CCZ1B: variants seen among roughly 807,000 people sequenced by gnomAD.
CCZ1B encodes the protein CCZ1B vacuolar protein trafficking and biogenesis associated.
Under a neutral mutation model 58.8 loss-of-function variants are expected in CCZ1B, and 25 were observed. The ratio of observed to expected loss-of-function variants is 0.43; its 90% CI spans 0.31 to 0.59. The LOEUF (loss-of-function observed/expected upper bound fraction) is 0.59. CCZ1B is among the 20% of genes least tolerant of loss of function. The probability of loss-of-function intolerance (pLI) is 0.12; values close to 1 mark genes in which losing one functional copy is unlikely to be tolerated. For synonymous variants in CCZ1B, 66 were observed against 173.2 expected, an observed-to-expected ratio of 0.38 and a Z score of 4.86; for missense variants, 180 against 501.5, an observed-to-expected ratio of 0.36 and a Z score of 6.12.
At chr7:6,821,396 A>C (rs1783108080) in intron 6 of CCZ1B, among the ~76,000 whole-genome samples, 1 of 152,290 alleles carries the variant, frequency 6.6e-6, no homozygotes, top group South Asian at 2.1e-4. Context: ...GTAAGAGAGA[A>C]ATGAGGACAA....
chr7:6,819,123 G>GAAAAAAAA (rs1173368085), intron 7 of CCZ1B, among the ~76,000 whole-genome samples: 5 of 65,656 alleles, frequency 7.6e-5, no homozygotes, highest in African/African-American at 2.7e-4. Flanking sequence ...ATCTCTATAA[G>GAAAAAAAA]AAAAAAAAAA....
At chr7:6,821,018 T>A (rs1033632676) in intron 6 of CCZ1B, among the ~76,000 whole-genome samples, 3 of 149,228 alleles carry the variant, frequency 2.0e-5, no homozygotes, top group Admixed American at 6.7e-5. Context: ...CCATCTTTAT[T>A]TCCCCCCCGA....
At chr7:6,815,066 A>G (rs1449993861) in intron 7 of CCZ1B, among the ~76,000 whole-genome samples, 2 of 149,084 alleles carry the variant, frequency 1.3e-5, no homozygotes, top group African/African-American at 5.1e-5. Flanking sequence ...CATAATTCTT[A>G]GCATTGAGGT....
intron 6 of CCZ1B, 130 bp from the exon 7 acceptor site, chr7:6,820,071 A>G (rs1485960276): frequency 5.3e-6 from 7 of 1,324,338 alleles, no homozygotes; most frequent in South Asian, 2.7e-5. Context: ...CAGCACAACA[A>G]TGAGGCCGTG....
In CCZ1B at chr7:6,817,459, C is replaced by T. The variant is rs918263566; in HGVS notation, c.698+2307G>A. ...TTTTGGTGGAAGCAAGGCCATGGGC[C>T]ACTACTGCTGGATTCTGGCTTGTCA... is the stretch of plus-strand genomic sequence containing the variant. On this transcript the variant is annotated intron_variant, in intron 7 of 14. Transcript: ENST00000316731. Among the ~76,000 whole-genome samples, 127 of 150,066 alleles carry T rather than the reference C, an allele frequency of 8.5e-4. 7 individuals carry two copies. The highest frequency in any genetic ancestry group is 3.1e-3 in the African/African-American group (124 of 39,920).
At chr7:6,810,996 C>T (rs1583551186) in intron 10 of CCZ1B, among the ~76,000 whole-genome samples, 1 of 151,276 alleles carries the variant, frequency 6.6e-6, no homozygotes, top group South Asian at 2.1e-4. Flanking sequence ...CAGACATCCA[C>T]GTTAGCCACT....
intron 7 of CCZ1B, among the ~76,000 whole-genome samples, chr7:6,818,072 T>C (rs1054573921): frequency 6.7e-6 from 1 of 149,660 alleles, no homozygotes; most frequent in African/African-American, 2.5e-5. Context: ...ATAAAGTTCA[T>C]GTGGAAACCC....
rs757118484 is a variant in CCZ1B, at chr7:6,819,959, G to C, written c.523-18C>G. On this transcript the variant is annotated intron_variant, in intron 6 of 14. Coordinates refer to ENST00000316731, the MANE Select transcript of CCZ1B (RefSeq NM_198097.5). Reference sequence around the variant, plus strand: ...TGCAAATACTGTGGAAAAAAAATAAGGCATAAAATTTACTAATAGTACACT... The same window carrying C: ...TGCAAATACTGTGGAAAAAAAATAACGCATAAAATTTACTAATAGTACACT... 5.6e-6 allele frequency: 9 copies of C among 1,605,844 alleles called. No individual in the cohort carries two copies. Among genetic ancestry groups the C allele is most frequent in the Non-Finnish European group, 7.6e-6 (9 of 1,176,598 alleles).
At chr7:6,811,008 T>G (rs1355788209) in intron 10 of CCZ1B, among the ~76,000 whole-genome samples, 2 of 151,452 alleles carry the variant, frequency 1.3e-5, no homozygotes, top group Non-Finnish European at 2.9e-5. Flanking sequence ...TTAGCCACTC[T>G]GGGTCTCTTC....
intron 6 of CCZ1B, among the ~76,000 whole-genome samples, chr7:6,820,937 C>T (rs1374418840): frequency 2.1e-5 from 3 of 145,146 alleles, no homozygotes; most frequent in African/African-American, 7.8e-5. Flanking sequence ...AAAAAATTAA[C>T]TCCCTGCCTT....
At position 6,822,423 on chromosome 7, in the gene CCZ1B, A is replaced by G. The variant is rs369010397; in HGVS notation, c.439-59T>C. On this transcript the variant is annotated intron_variant, in intron 5 of 14. Coordinates refer to ENST00000316731, the MANE Select transcript of CCZ1B (RefSeq NM_198097.5). The stretch of plus-strand genomic sequence containing the variant: ...AGTTTCCTATGCTCACTTTTTCAGT[A>G]TAACAAGTTCTTTTTTTCCTTTAGA... The G allele has an allele frequency of 4.9e-4, 767 of 1,554,470 alleles. 9 individuals are homozygous for G. The East Asian group carries it at 0.017, about 34-fold the overall frequency.
intron 10 of CCZ1B, 59 bp downstream of exon 10, chr7:6,811,893 C>T: frequency 6.3e-7 from 1 of 1,579,668 alleles, no homozygotes; most frequent in Non-Finnish European, 8.6e-7. Context: ...CTCGTGTACA[C>T]ATGCAAGAAA....
At chr7:6,808,428 AAACC>A (rs1163469261) in intron 10 of CCZ1B, among the ~76,000 whole-genome samples, 1 of 147,852 alleles carries the variant, frequency 6.8e-6, no homozygotes, top group Non-Finnish European at 1.5e-5. Flanking sequence ...CCAAAAAACC[AAACC>A]AACCCAAACC....
At chr7:6,819,003 A>C (rs1276834797) in intron 7 of CCZ1B, among the ~76,000 whole-genome samples, 1 of 147,712 alleles carries the variant, frequency 6.8e-6, no homozygotes, top group Admixed American at 6.7e-5. Context: ...CTTTAAAAGA[A>C]AGTAGGTGCA....
rs1782906296 is a variant in CCZ1B at position 6,810,789 on chromosome 7, A to G, written c.954+1163T>C. ...ACAACTCTTCTAATTAGTGGATACT[A>G]ATTTTTAAAGTTCTCGTCTGTCCTC... is the stretch of plus-strand genomic sequence containing the variant. On this transcript the variant is annotated intron_variant, in intron 10 of 14. Transcript: ENST00000316731. Among the ~76,000 whole-genome samples, 3 of 149,360 alleles carry G rather than the reference A, an allele frequency of 2.0e-5. No individual in the cohort carries two copies. The South Asian group carries it at 6.3e-4, about 31-fold the overall frequency.
chr7:6,803,746 G>A (rs1310355940), intron 12 of CCZ1B, among the ~76,000 whole-genome samples: 83 of 150,180 alleles, frequency 5.5e-4, no homozygotes, highest in Non-Finnish European at 8.9e-4. Context: ...CGTGGATCAC[G>A]AGGTCAGGAG....
intron 7 of CCZ1B, among the ~76,000 whole-genome samples, chr7:6,819,070 AG>A (rs1423674485): frequency 7.7e-6 from 1 of 129,744 alleles, no homozygotes; most frequent in Non-Finnish European, 1.6e-5. Context: ...GGATCGCTTG[AG>A]GCCAGGAGTT....
chr7:6,807,636 T>TC (rs1315596317), intron 10 of CCZ1B, among the ~76,000 whole-genome samples: 85 of 150,206 alleles, frequency 5.7e-4, no homozygotes, highest in South Asian at 1.0e-3. Context: ...CGAAGGAGTA[T>TC]CCGGCTTTAC....
intron 1 of CCZ1B, among the ~76,000 whole-genome samples, chr7:6,824,967 T>A (rs1783171808): frequency 6.7e-6 from 1 of 149,134 alleles, no homozygotes; most frequent in African/African-American, 2.5e-5. Flanking sequence ...CAGTGAGACG[T>A]CTCTATTATT....
Sources: allele counts gnomAD v4.1 joint callset (sites outside exome capture counted in the v4.1 genomes callset), GRCh38; gene constraint gnomAD v4.1.1; transcripts MANE v1.5; gene names NCBI Gene and HGNC (gene_info 2026-07-23, HGNC 2026-07-21).